The following RXRA variants were observed in gnomAD, a reference collection of about 807,000 sequenced individuals.
RXRA encodes retinoid X receptor alpha.
A neutral mutation model predicts 44.5 loss-of-function variants in RXRA; 5 were observed. That is an observed-to-expected ratio of 0.11 (90% confidence interval 0.06 to 0.24). The LOEUF (loss-of-function observed/expected upper bound fraction) is 0.24. RXRA is among the 10% of genes least tolerant of loss of function. RXRA has a pLI of 1.00. For missense variants in RXRA, 412 were observed against 646.5 expected, an observed-to-expected ratio of 0.64 and a Z score of 3.93; for synonymous variants, 291 against 271.4, an observed-to-expected ratio of 1.07 and a Z score of -0.71.
At chr9:134,424,035 G>A (rs1277425054) in intron 6 of RXRA, 1 of 985,304 alleles carries the variant, frequency 1.0e-6, no homozygotes, top group East Asian at 1.1e-4. Context: ...TGGCCCTGTG[G>A]TCCCATGTTC....
chr9:134,372,373 C>T (rs1327274231), intron 1 of RXRA, among the ~76,000 whole-genome samples: 3 of 152,030 alleles, frequency 2.0e-5, no homozygotes, highest in Non-Finnish European at 2.9e-5. Flanking sequence ...CGTCCTGGGC[C>T]GATTATGGGA....
intron 1 of RXRA, among the ~76,000 whole-genome samples, chr9:134,391,966 G>A (rs958509539): frequency 2.6e-5 from 4 of 152,230 alleles, no homozygotes; most frequent in African/African-American, 7.2e-5. Context: ...TTGGCCTGGC[G>A]TGCACCTGCA....
chr9:134,327,679 C>A (rs1408067211), intron 1 of RXRA, among the ~76,000 whole-genome samples: 3 of 152,112 alleles, frequency 2.0e-5, no homozygotes, highest in Non-Finnish European at 4.4e-5. Context: ...GCAGCTTGGC[C>A]ACCCCAGGAG....
At chr9:134,376,936 C>T (rs548899829) in intron 1 of RXRA, among the ~76,000 whole-genome samples, 14 of 152,334 alleles carry the variant, frequency 9.2e-5, no homozygotes, top group African/African-American at 2.9e-4. Flanking sequence ...AGTCGCTGGG[C>T]TGACCTCTGG....
At chr9:134,425,212 G>A in intron 6 of RXRA, 1 of 985,402 alleles carries the variant, frequency 1.0e-6, no homozygotes, top group Non-Finnish European at 1.2e-6. Context: ...GTGGGAGGTT[G>A]ATGTCACACG....
chr9:134,386,834 G>A (rs1389415564), intron 1 of RXRA, among the ~76,000 whole-genome samples: 1 of 152,138 alleles, frequency 6.6e-6, no homozygotes, highest in East Asian at 1.9e-4. Flanking sequence ...GAGCGTGGGT[G>A]GTTCTCCTCC....
chr9:134,406,662 C>G (rs1197363666), intron 2 of RXRA, among the ~76,000 whole-genome samples: 1 of 152,178 alleles, frequency 6.6e-6, no homozygotes, highest in Non-Finnish European at 1.5e-5. Context: ...GCAGGGCCAG[C>G]TGGGCACTTA....
At chr9:134,364,464 T>C (rs1250955283) in intron 1 of RXRA, among the ~76,000 whole-genome samples, 2 of 152,118 alleles carry the variant, frequency 1.3e-5, no homozygotes, top group Non-Finnish European at 2.9e-5. Flanking sequence ...TGTGTGGGGG[T>C]CCGGCTGTCA....
intron 1 of RXRA, among the ~76,000 whole-genome samples, chr9:134,353,157 T>C (rs1284804671): frequency 6.6e-6 from 1 of 151,990 alleles, no homozygotes; most frequent in African/African-American, 2.4e-5. Context: ...ACTGGGAGGT[T>C]CTGGGGCTTG....
chr9:134,374,710 G>A (rs1465675318), intron 1 of RXRA, among the ~76,000 whole-genome samples: 1 of 152,248 alleles, frequency 6.6e-6, no homozygotes, highest in Non-Finnish European at 1.5e-5. Context: ...TTGCCTCCTG[G>A]CGACTTCCTT....
intron 1 of RXRA, among the ~76,000 whole-genome samples, chr9:134,335,826 C>G (rs992868178): frequency 2.6e-5 from 4 of 152,288 alleles, no homozygotes; most frequent in African/African-American, 9.6e-5. Context: ...GGGCCCTTCC[C>G]TACCACCTAT....
At position 134,326,471 on chromosome 9, in the gene RXRA, C is replaced by G. The variant is rs1156519394; in HGVS notation, c.-161C>G. On this transcript the variant is annotated 5_prime_UTR_variant, in exon 1 of 10. Coordinates refer to ENST00000481739, the MANE Select transcript of RXRA (RefSeq NM_002957.6). ...GACACAAGTAGTTTACATTGTTGGG[C>G]GACTTTTGCAACAACTCGCCGCGCC... The G allele has an allele frequency of 7.1e-6, 1 of 139,948 alleles. No individual in the cohort carries two copies. Among genetic ancestry groups the G allele is most frequent in the Non-Finnish European group, 1.6e-5 (1 of 63,684 alleles). 8.7% of individuals were successfully genotyped at this position (139,948 alleles called of 1,614,324 possible).
chr9:134,424,566 T>C, intron 6 of RXRA: 2 of 985,294 alleles, frequency 2.0e-6, no homozygotes, highest in Non-Finnish European at 1.2e-6. Context: ...AGTCACTTAC[T>C]CTCTGTGCCT....
intron 1 of RXRA, among the ~76,000 whole-genome samples, chr9:134,341,866 G>A (rs1830090140): frequency 6.6e-6 from 1 of 152,204 alleles, no homozygotes; most frequent in South Asian, 2.1e-4. Context: ...GGAGCTGGGT[G>A]CGTGACTGGC....
At position 134,395,090 on chromosome 9, in the gene RXRA, C is replaced by T. The variant is rs147382732; in HGVS notation, c.29-6542C>T. Among the ~76,000 whole-genome samples, 705 of 152,330 alleles carry T rather than the reference C, an allele frequency of 4.6e-3. 5 individuals carry two copies. The highest frequency in any genetic ancestry group is 0.016 in the African/African-American group (653 of 41,574). ...CCGACCTGGCCTGGCTGGGCTCTGT[C>T]CTGAGGCTGGGACACCGTGGGCTCT... On this transcript the variant is annotated intron_variant, in intron 1 of 9. Transcript: ENST00000481739.
At chr9:134,436,330 A>T in intron 9 of RXRA, 137 bp from the exon 10 acceptor site, 1 of 818,506 alleles carries the variant, frequency 1.2e-6, no homozygotes. Context: ...GGCTTGGCAT[A>T]GGCAGATTCA....
At chr9:134,401,494 G>A in intron 1 of RXRA, 138 bp from the exon 2 acceptor site, 1 of 1,380,458 alleles carries the variant, frequency 7.2e-7, no homozygotes, top group Non-Finnish European at 1.0e-6. Context: ...TCAGAGAGCT[G>A]TCGAGACCCA....
At chr9:134,415,111 T>C (rs1279273343) in intron 4 of RXRA, among the ~76,000 whole-genome samples, 1 of 152,118 alleles carries the variant, frequency 6.6e-6, no homozygotes, top group African/African-American at 2.4e-5. Flanking sequence ...CTCTGCCTGG[T>C]TGGTGTATCC....
chr9:134,411,331 G>T (rs890324711), intron 4 of RXRA, among the ~76,000 whole-genome samples: 2 of 151,966 alleles, frequency 1.3e-5, no homozygotes. Context: ...GGGCTGGGGG[G>T]ACCTGGAATC....
Sources: gnomAD v4.1 joint callset for allele counts (sites outside exome capture counted in the v4.1 genomes callset) on GRCh38, gnomAD v4.1.1 for gene constraint, MANE v1.5 for transcripts, NCBI Gene and HGNC (gene_info 2026-07-23, HGNC 2026-07-21) for gene names.